The following VSIG10L variants were observed in gnomAD, a reference collection of about 807,000 sequenced individuals.
VSIG10L encodes V-set and immunoglobulin domain containing 10 like.
VSIG10L carries 63 observed loss-of-function variants against 67.3 expected under a neutral mutation model. The ratio of observed to expected loss-of-function variants is 0.94; its 90% confidence interval spans 0.76 to 1.15. VSIG10L has a LOEUF of 1.15. Among genes scored for constraint, VSIG10L ranks in the 50% most tolerant of loss-of-function variants. The probability of loss-of-function intolerance (pLI) is 0.00; values close to 1 mark genes in which losing one functional copy is unlikely to be tolerated. For synonymous variants in VSIG10L, 499 were observed against 524.9 expected (o/e 0.95, Z 0.67); for missense variants, 1,050 against 1,177.5 (o/e 0.89, Z 1.58).
chr19:51,335,846 A>G (rs1383161334), intron 7 of VSIG10L, among the ~76,000 whole-genome samples: 1 of 152,070 alleles, frequency 6.6e-6, no homozygotes, highest in African/African-American at 2.4e-5. Flanking sequence ...CAGGAGGTGG[A>G]GGTTCCAGTT....
In VSIG10L at chr19:51,341,930, C is replaced by G. The variant is rs1446490000; in HGVS notation, c.118G>C (p.Asp40His). Residue 40 changes from aspartate to histidine, a missense_variant, in exon 2 of 10, where the codon GAC becomes CAC. Around this residue, in one of 3 missense-constraint regions of VSIG10L, gnomAD observed 511 missense variants for 557.9 expected, o/e 0.92. Transcript: ENST00000335624. The part of the protein sequence containing the change: ...QTNFSSAFSS[D>H]SKSSSQGLGV... ...AGCCCCTGGGAAGAGCTCTTTGAGT[C>G]TGAAGAGAAGGCAGAGGAGAAGTTG... 11 of 1,551,544 alleles carry G rather than the reference C, an allele frequency of 7.1e-6. No homozygotes were observed. Among genetic ancestry groups the G allele is most frequent in the Non-Finnish European group, 9.6e-6 (11 of 1,147,004 alleles).
In VSIG10L at chr19:51,338,998, A is replaced by C; in HGVS notation, c.1619T>G (p.Val540Gly). ...GLPEGIRAGP[V>G]SSVLLAAVPA... The stretch of plus-strand genomic sequence containing the variant: ...GACGGCCGCCAGCAGCACAGAGGAC[A>C]CTGGCCCGGCGCGGATGCCTTCGGG... The change falls in exon 5 of 10, where the codon GTG becomes GGG. Residue 540 changes from valine (V) to glycine (G), a missense_variant. Around this residue, in one of 3 missense-constraint regions of VSIG10L, gnomAD observed 529 missense variants for 584.9 expected, o/e 0.90. Transcript: ENST00000335624. 1 of 1,406,660 alleles carries C rather than the reference A, an allele frequency of 7.1e-7. No homozygotes were observed. Among genetic ancestry groups the C allele is most frequent in the Non-Finnish European group, 9.3e-7 (1 of 1,074,014 alleles). The allele number at this position is 1,406,660 out of a possible 1,614,324, so 87.1% of individuals were successfully genotyped here. A position where few individuals can be genotyped will look rare whatever the true frequency, so the allele number is the denominator to read the frequency against.
Position 51,340,379 on chromosome 19 carries a change from G to GCC in VSIG10L, c.1189+52_1189+53dup, listed in dbSNP as rs1193209251. The GCC allele has an allele frequency of 6.8e-7, 1 of 1,460,394 alleles. No individual in the cohort carries two copies. The highest frequency in any genetic ancestry group is 2.6e-5 in the East Asian group (1 of 38,658). The allele number at this position is 1,460,394 out of a possible 1,614,324, so 90.5% of individuals were successfully genotyped here. A position where few individuals can be genotyped will look rare whatever the true frequency, so the allele number is the denominator to read the frequency against. On this transcript the variant is annotated intron_variant, in intron 3 of 9. Transcript: ENST00000335624. The surrounding 1 kb of genome is among the most constrained non-coding windows in gnomAD (Gnocchi z 6.3). ...AGGACTCCCGGAGACTGGGTCCCCA[G>GCC]CCCGCTTCTCCCCAAGGACCCCCTG... is the stretch of plus-strand genomic sequence containing the variant.
Position 51,340,357 on chromosome 19 carries a change from A to T in VSIG10L, c.1190-58T>A, listed in dbSNP as rs1985601534. ...CAGGGTCACCTGGGACGCCGCTAGG[A>T]CTCCCGGAGACTGGGTCCCCAGCCC... On this transcript the variant is annotated intron_variant, in intron 3 of 9. Coordinates refer to ENST00000335624, the MANE Select transcript of VSIG10L (RefSeq NM_001163922.3). This position sits in a 1 kb window ranked among gnomAD's most constrained non-coding sequence, Gnocchi z 6.3. The T allele has an allele frequency of 6.8e-7, 1 of 1,462,206 alleles. No homozygotes were observed. The highest frequency in any genetic ancestry group is 1.4e-5 in the African/African-American group (1 of 69,392). The allele number at this position is 1,462,206 out of a possible 1,614,324, so 90.6% of individuals were successfully genotyped here.
At position 51,337,857 on chromosome 19, in the gene VSIG10L, TG is replaced by T. The variant is rs1303994647; in HGVS notation, c.2008+72del. The T allele has an allele frequency of 3.4e-6, 5 of 1,467,582 alleles. No homozygotes were observed. The East Asian group carries it at 1.2e-4, about 37-fold the overall frequency. 90.9% of individuals were successfully genotyped at this position (1,467,582 alleles called of 1,614,324 possible). A position where few individuals can be genotyped will look rare whatever the true frequency, so the allele number is the denominator to read the frequency against. On this transcript the variant is annotated intron_variant, in intron 6 of 9. Coordinates refer to ENST00000335624, the MANE Select transcript of VSIG10L (RefSeq NM_001163922.3). The stretch of plus-strand genomic sequence containing the variant: ...TCTGAGGGAGGAGAGGTCTGGGGCC[TG>T]AACTTCTGGGTCTGAGGGCTGGAGC...
Position 51,340,355 on chromosome 19 carries a change from G to A in VSIG10L, c.1190-56C>T, listed in dbSNP as rs917291756. The stretch of plus-strand genomic sequence containing the variant: ...GTCAGGGTCACCTGGGACGCCGCTA[G>A]GACTCCCGGAGACTGGGTCCCCAGC... On this transcript the variant is annotated intron_variant, in intron 3 of 9. Transcript: ENST00000335624. The surrounding 1 kb of genome is among the most constrained non-coding windows in gnomAD (Gnocchi z 6.3). 1 of 1,468,352 alleles carries A rather than the reference G, an allele frequency of 6.8e-7. No homozygotes were observed. Among genetic ancestry groups the A allele is most frequent in the African/African-American group, 1.4e-5 (1 of 69,750 alleles). The allele number at this position is 1,468,352 out of a possible 1,614,324, so 91.0% of individuals were successfully genotyped here. A position where few individuals can be genotyped will look rare whatever the true frequency, so the allele number is the denominator to read the frequency against.
chr19:51,338,876 G>A lies in VSIG10L; in HGVS notation c.1729+12C>T. The A allele has an allele frequency of 7.3e-7, 1 of 1,366,354 alleles. No individual in the cohort carries two copies. Among genetic ancestry groups the A allele is most frequent in the Non-Finnish European group, 9.5e-7 (1 of 1,051,820 alleles). The allele number at this position is 1,366,354 out of a possible 1,614,324, so 84.6% of individuals were successfully genotyped here. A position where few individuals can be genotyped will look rare whatever the true frequency, so the allele number is the denominator to read the frequency against. ...CCTCGAGAAACAGCAAAAAAGCCCCGCGCCCTCTCACCCGGCGTGACTGTG... is the reference window on the plus strand; with the variant it reads ...CCTCGAGAAACAGCAAAAAAGCCCCACGCCCTCTCACCCGGCGTGACTGTG... On this transcript the variant is annotated intron_variant, in intron 5 of 9. Transcript: ENST00000335624.
In VSIG10L at chr19:51,341,231, C is replaced by T. The variant is rs1985628345; in HGVS notation, c.817G>A (p.Asp273Asn). The T allele has an allele frequency of 2.6e-6, 4 of 1,551,030 alleles. No homozygotes were observed. Among genetic ancestry groups the T allele is most frequent in the Non-Finnish European group, 3.5e-6 (4 of 1,146,888 alleles). ...ACCTCAGCCGTGTAGACCCCTGCAT[C>T]GTCCAGCTGGGCAGAGGCGAGCTCC... ...VLELASAQLDDAGVYTAEVIR... is the reference protein window; with the variant it reads ...VLELASAQLDNAGVYTAEVIR... The change falls in exon 2 of 10, where the codon GAT becomes AAT. Residue 273 changes from aspartate (D) to asparagine (N), a missense_variant. Transcript: ENST00000335624.
chr19:51,340,526 C>T lies in VSIG10L; in HGVS notation c.1096G>A (p.Val366Met). 7.2e-6 allele frequency: 11 copies of T among 1,534,536 alleles called. No homozygotes were observed. Among genetic ancestry groups the T allele is most frequent in the Non-Finnish European group, 9.6e-6 (11 of 1,145,204 alleles). Residue 366 changes from valine to methionine, a missense_variant, in exon 3 of 10, where the codon GTG (valine) becomes ATG (methionine). By Grantham distance (21) the Val-to-Met change is conservative. Around this residue, in one of 3 missense-constraint regions of VSIG10L, gnomAD observed 511 missense variants for 557.9 expected, o/e 0.92. Coordinates refer to ENST00000335624, the MANE Select transcript of VSIG10L (RefSeq NM_001163922.3). The surrounding 1 kb of genome is among the most constrained non-coding windows in gnomAD (Gnocchi z 6.3). ...GCGTGGTCGCTGCGCACAGGGCGCA[C>T]GATGAGCAGCTGGTCGCCCTCTGAG... ...MRSEGDQLLI[V>M]RPVRSDHARY...
At chr19:51,339,742 C>T (rs1985576157) in intron 4 of VSIG10L, 1 of 331,200 alleles carries the variant, frequency 3.0e-6, no homozygotes, top group Non-Finnish European at 5.4e-6. Context: ...GCCGGCCCGT[C>T]AGTCCTGGTC....
intron 9 of VSIG10L, among the ~76,000 whole-genome samples, chr19:51,333,399 C>T (rs887390452): frequency 6.6e-6 from 1 of 152,108 alleles, no homozygotes; most frequent in Admixed American, 6.6e-5. Flanking sequence ...CGTTGTGGTG[C>T]TTGCCTGTAA....
Position 51,336,558 on chromosome 19 carries a change from AAAG to A in VSIG10L, c.2305+677_2305+679del, listed in dbSNP as rs750619695. 5.3e-5 allele frequency among the ~76,000 whole-genome samples: 8 copies of A among 152,094 alleles called. No individual in the cohort carries two copies. The East Asian group carries it at 5.8e-4, about 11-fold the overall frequency. On this transcript the variant is annotated intron_variant, in intron 7 of 9. Coordinates refer to ENST00000335624, the MANE Select transcript of VSIG10L (RefSeq NM_001163922.3). Reference sequence around the variant, plus strand: ...GACAAGAGCAAAACTCCTTCTCAAAAAAGAAGAAGGAGAAGGAGAAGAAGAAGA... The same window carrying A: ...GACAAGAGCAAAACTCCTTCTCAAAAAAGAAGGAGAAGGAGAAGAAGAAGA...
chr19:51,334,066 A>G, intron 8 of VSIG10L, 121 bp from the exon 9 acceptor site: 2 of 1,483,624 alleles, frequency 1.3e-6, no homozygotes, highest in Non-Finnish European at 1.8e-6. Flanking sequence ...GCTGATTTGG[A>G]GGTAGGAGGG....
At position 51,334,234 on chromosome 19, in the gene VSIG10L, G is replaced by T. The variant is rs747614925; in HGVS notation, c.2376C>A (p.Ala792=). ...AGCAGATGCAAAGGAGGAGAAGTACGGCTAGCAGCGCCAGGCCCAGCAGGG... is the reference window on the plus strand; with the variant it reads ...AGCAGATGCAAAGGAGGAGAAGTACTGCTAGCAGCGCCAGGCCCAGCAGGG... ...LGSLLGLALL[A]VLLLLCICCL... The change falls in exon 8 of 10, where the codon GCC becomes GCA. Residue 792 remains alanine (A), a synonymous_variant. Transcript: ENST00000335624. 1.9e-6 allele frequency: 3 copies of T among 1,551,662 alleles called. No homozygotes were observed. In the African/African-American group the frequency reaches 4.1e-5, roughly 21 times the overall value.
chr19:51,340,169 C>G lies in VSIG10L; in HGVS notation c.1320G>C (p.Trp440Cys), dbSNP rs1985592498. 6 of 1,459,920 alleles carry G rather than the reference C, an allele frequency of 4.1e-6. No homozygotes were observed. The highest frequency in any genetic ancestry group is 2.9e-5 in the African/African-American group (2 of 67,980). 90.4% of individuals were successfully genotyped at this position (1,459,920 alleles called of 1,614,324 possible). ...AASRPPADIT[W>C]SLADPAEAAV... ...CGGCCTCGGCCGGGTCCGCCAGGCT[C>G]CACGTGATGTCGGCGGGCGGCCGCG... The change falls in exon 4 of 10, where the codon TGG becomes TGC. Residue 440 changes from tryptophan (W) to cysteine (C), a missense_variant. By Grantham distance (215) the Trp-to-Cys change is radical. Around this residue, in one of 3 missense-constraint regions of VSIG10L, gnomAD observed 10 missense variants for 34.7 expected, o/e 0.29. Transcript: ENST00000335624. This position sits in a 1 kb window ranked among gnomAD's most constrained non-coding sequence, Gnocchi z 6.3.
intron 9 of VSIG10L, among the ~76,000 whole-genome samples, chr19:51,333,389 C>T (rs150753254): frequency 7.0e-4 from 106 of 152,190 alleles, no homozygotes; most frequent in African/African-American, 2.0e-3. Flanking sequence ...ATCAGTCAGG[C>T]GTTGTGGTGC....
At position 51,342,009 on chromosome 19, in the gene VSIG10L, T is replaced by G; in HGVS notation, c.41-2A>C. The G allele has an allele frequency of 6.4e-7, 1 of 1,551,676 alleles. No homozygotes were observed. The highest frequency in any genetic ancestry group is 2.4e-5 in the East Asian group (1 of 40,916). On this transcript the variant is annotated splice_acceptor_variant, in intron 1 of 9. Transcript: ENST00000335624. LOFTEE classifies it high-confidence loss of function. This position sits in a 1 kb window ranked among gnomAD's most constrained non-coding sequence, Gnocchi z 4.4. ...GGGTGAGGATCCCTACCAAGGAGGC[T>G]GCAGAGAAGAGAGGAAGGCATTGGG...
chr19:51,336,239 C>T (rs992538125), intron 7 of VSIG10L, among the ~76,000 whole-genome samples: 1 of 152,040 alleles, frequency 6.6e-6, no homozygotes, highest in African/African-American at 2.4e-5. Flanking sequence ...GGACCCTAAT[C>T]CAATATAACT....
At position 51,342,033 on chromosome 19, in the gene VSIG10L, G is replaced by C. The variant is rs369861706; in HGVS notation, c.41-26C>G. The C allele has an allele frequency of 6.5e-5, 101 of 1,551,732 alleles. No individual in the cohort carries two copies. The East Asian group carries it at 2.4e-3, about 37-fold the overall frequency. ...CTGCAGAGAAGAGAGGAAGGCATTG[G>C]GGGAGGCTGCTGAGGGAGACTGACA... On this transcript the variant is annotated intron_variant, in intron 1 of 9. Transcript: ENST00000335624. The surrounding 1 kb of genome is among the most constrained non-coding windows in gnomAD (Gnocchi z 4.4).
Sources: allele counts gnomAD v4.1 joint callset (sites outside exome capture counted in the v4.1 genomes callset), GRCh38; gene constraint gnomAD v4.1.1; regional missense constraint gnomAD v4.1.1; non-coding constraint Gnocchi (gnomAD v3.1); transcripts MANE v1.5; gene names NCBI Gene and HGNC (gene_info 2026-07-23, HGNC 2026-07-21).